Variants in RAD17 observed in about 807,000 individuals in gnomAD.
The protein encoded by RAD17 is cell cycle checkpoint protein RAD17.
In RAD17, 31 loss-of-function variants were observed where a neutral mutation model predicts 81.5. That is an observed-to-expected ratio of 0.38 (90% CI 0.29 to 0.51). RAD17 has a LOEUF of 0.51. Ranked by LOEUF, RAD17 falls within the 20% of genes least tolerant of loss-of-function variation. The pLI, the probability that RAD17 is intolerant of heterozygous loss-of-function variation, is 0.88. For synonymous variants in RAD17, 261 were observed against 266.2 expected (o/e 0.98, Z 0.19); for missense variants, 681 against 781.2 (o/e 0.87, Z 1.53).
At chr5:69,369,501 G>A (rs1444832656), upstream of RAD17, 59 of 1,611,212 alleles carry the variant, frequency 3.7e-5, no homozygotes, top group Non-Finnish European at 4.7e-5. Context: ...GGTCCCCGCC[G>A]CGACGGCTTC....
intron 8 of RAD17, among the ~76,000 whole-genome samples, chr5:69,385,396 G>A (rs547821763): frequency 1.3e-5 from 2 of 148,790 alleles, no homozygotes; most frequent in African/African-American, 2.5e-5. Flanking sequence ...AGCCTCCCCC[G>A]AGTAGTGGGG....
At chr5:69,376,262 C>T (rs1428481941) in intron 6 of RAD17, among the ~76,000 whole-genome samples, 1 of 152,148 alleles carries the variant, frequency 6.6e-6, no homozygotes, top group African/African-American at 2.4e-5. Context: ...CAGTCGTCCA[C>T]CTAAGTGCTG....
intron 17 of RAD17, among the ~76,000 whole-genome samples, chr5:69,401,676 G>A (rs1317254085): frequency 6.6e-6 from 1 of 151,886 alleles, no homozygotes; most frequent in Non-Finnish European, 1.5e-5. Context: ...CCTTCTCCTT[G>A]CCAATTGCTT....
At chr5:69,401,851 C>CA (rs34309773) in intron 17 of RAD17, among the ~76,000 whole-genome samples, 73,919 of 149,088 alleles carry the variant, frequency 0.5, 18,359 homozygotes, top group South Asian at 0.54. Flanking sequence ...CCACAAAAAA[C>CA]AAAAAAACCA....
chr5:69,381,705 GA>G (rs888772930), intron 6 of RAD17, among the ~76,000 whole-genome samples, 195 bp from the exon 7 acceptor site: 1 of 151,736 alleles, frequency 6.6e-6, no homozygotes. Flanking sequence ...GAAAAGGGGG[GA>G]AAAAGGCAAT....
At chr5:69,374,553 A>T (rs1763220032) in intron 5 of RAD17, 75 bp from the exon 6 acceptor site, 1 of 905,528 alleles carries the variant, frequency 1.1e-6, no homozygotes, top group Admixed American at 2.6e-5. Context: ...AATAATGCTT[A>T]GGTTCATATG....
chr5:69,383,324 C>G (rs1763969534), intron 7 of RAD17, among the ~76,000 whole-genome samples: 1 of 151,806 alleles, frequency 6.6e-6, no homozygotes, highest in Non-Finnish European at 1.5e-5. Flanking sequence ...CCTTGTGCTA[C>G]TAGTATCCCA....
chr5:69,407,809 C>G (rs185523695), intron 17 of RAD17, among the ~76,000 whole-genome samples: 1 of 152,158 alleles, frequency 6.6e-6, no homozygotes, highest in Admixed American at 6.5e-5. Flanking sequence ...GCCTCGGCCT[C>G]CCAAAGTGCT....
At chr5:69,387,943 T>C (rs1580390621) in intron 11 of RAD17, among the ~76,000 whole-genome samples, 1 of 152,310 alleles carries the variant, frequency 6.6e-6, no homozygotes, top group Non-Finnish European at 1.5e-5. Context: ...GGATGATCGC[T>C]GGAGCCTAGG....
At chr5:69,378,484 AG>A (rs1763647504) in intron 6 of RAD17, among the ~76,000 whole-genome samples, 1 of 152,364 alleles carries the variant, frequency 6.6e-6, no homozygotes, top group Non-Finnish European at 1.5e-5. Flanking sequence ...GCCTGTGCAT[AG>A]GCTTCTTTTT....
intron 12 of RAD17, among the ~76,000 whole-genome samples, chr5:69,391,348 C>T (rs893806173): frequency 6.6e-5 from 10 of 152,080 alleles, no homozygotes; most frequent in African/African-American, 2.2e-4. Flanking sequence ...GGCGATGTGA[C>T]TGTACAGGTT....
rs1315092708 is a variant in RAD17 at position 69,377,572 on chromosome 5, C to CATATATATATGTATACATATATATGCAT, written c.351+2869_351+2870insATGTATACATATATATGCATATATATAT. Among the ~76,000 whole-genome samples, 2 of 3,942 alleles carry CATATATATATGTATACATATATATGCAT rather than the reference C, an allele frequency of 5.1e-4. 1 individual carries two copies. Among genetic ancestry groups the CATATATATATGTATACATATATATGCAT allele is most frequent in the Non-Finnish European group, 1.2e-3 (2 of 1,672 alleles). The allele number at this position is 3,942 out of a possible 152,430, so 2.6% of individuals were successfully genotyped here. On this transcript the variant is annotated intron_variant, in intron 6 of 18. Transcript: ENST00000354868. ...ATGCATATATATGTATATATATATG[C>CATATATATATGTATACATATATATGCAT]ATATATATGTATACATATATATATG... is the stretch of plus-strand genomic sequence containing the variant.
At position 69,372,059 on chromosome 5, in the gene RAD17, G is replaced by T. The variant is rs1009987740; in HGVS notation, c.-150G>T. On this transcript the variant is annotated 5_prime_UTR_variant, in exon 4 of 19. Transcript: ENST00000354868. ...TATATGGGAGTCCACATTTATGTAA[G>T]AAATGAAACTATAAAATGTATAAAT... The T allele has an allele frequency of 1.5e-6, 2 of 1,336,104 alleles. No homozygotes were observed. The highest frequency in any genetic ancestry group is 2.6e-5 in the East Asian group (1 of 38,396). 82.8% of individuals were successfully genotyped at this position (1,336,104 alleles called of 1,614,324 possible).
chr5:69,373,712 T>TAGTTTTAAAGGTTATAAA, intron 4 of RAD17, 118 bp from the exon 5 acceptor site: 1 of 373,564 alleles, frequency 2.7e-6, no homozygotes, highest in South Asian at 5.6e-5. Context: ...TTTTTTTTTT[T>TAGTTTTAAAGGTTATAAA]TTTTAAGTTT....
chr5:69,392,712 T>G (rs992191344), intron 13 of RAD17: 10 of 418,868 alleles, frequency 2.4e-5, no homozygotes, highest in South Asian at 1.6e-4. Context: ...CCCACCTGAT[T>G]CTTTTCTTTC....
chr5:69,405,289 G>A (rs1765522777), intron 17 of RAD17, among the ~76,000 whole-genome samples: 2 of 150,380 alleles, frequency 1.3e-5, no homozygotes, highest in African/African-American at 4.9e-5. Flanking sequence ...GGATCACGAG[G>A]TCATGAGTTT....
chr5:69,407,932 CT>C (rs1441021449), intron 17 of RAD17, among the ~76,000 whole-genome samples: 1 of 152,250 alleles, frequency 6.6e-6, no homozygotes, highest in East Asian at 1.9e-4. Flanking sequence ...GTTATTGTAC[CT>C]TTTGACTGCA....
At chr5:69,401,366 G>C (rs1765256256) in intron 17 of RAD17, among the ~76,000 whole-genome samples, 1 of 152,142 alleles carries the variant, frequency 6.6e-6, no homozygotes, top group Non-Finnish European at 1.5e-5. Context: ...ACTTACTGTG[G>C]ATAGCCTTTC....
Position 69,377,467 on chromosome 5 carries a change from A to ACG in RAD17, c.351+2756_351+2757insCG, listed in dbSNP as rs1763441344. Among the ~76,000 whole-genome samples, 7 of 5,722 alleles carry ACG rather than the reference A, an allele frequency of 1.2e-3. 1 individual carries two copies. The highest frequency in any genetic ancestry group is 0.015 in the East Asian group (1 of 68). 3.8% of individuals were successfully genotyped at this position (5,722 alleles called of 152,430 possible). Reference sequence around the variant, plus strand: ...TATATATATATATATATATATATATATATATATACACACACACACATATAT... The same window carrying ACG: ...TATATATATATATATATATATATATACGTATATATACACACACACACATATAT... On this transcript the variant is annotated intron_variant, in intron 6 of 18. Transcript: ENST00000354868.
Sources: allele counts gnomAD v4.1 joint callset (sites outside exome capture counted in the v4.1 genomes callset), GRCh38; gene constraint gnomAD v4.1.1; transcripts MANE v1.5; gene names NCBI Gene and HGNC (gene_info 2026-07-23, HGNC 2026-07-21).